The following LPP variants were observed in gnomAD, a reference collection of about 807,000 sequenced individuals.
The protein encoded by LPP is LIM domain containing preferred translocation partner in lipoma, also known as lipoma-preferred partner.
In LPP, 38 loss-of-function variants were observed where a neutral mutation model predicts 60.4. The observed-to-expected ratio is 0.63, with a 90% CI of 0.49 to 0.83. The LOEUF (loss-of-function observed/expected upper bound fraction) is 0.83, where lower values mean the gene tolerates loss of function less well. Ranked by LOEUF, LPP falls within the 40% of genes least tolerant of loss-of-function variation. LPP has a pLI of 0.00. For synonymous variants in LPP, 328 were observed against 290.8 expected (o/e 1.13, Z -1.30); for missense variants, 902 against 783.6 (o/e 1.15, Z -1.80).
intron 8 of LPP, among the ~76,000 whole-genome samples, chr3:188,732,994 C>T (rs192667402): frequency 6.6e-6 from 1 of 152,026 alleles, no homozygotes; most frequent in Non-Finnish European, 1.5e-5. Flanking sequence ...GCCAGTACCA[C>T]TTTGGCAATG....
In LPP at chr3:188,352,303, C is replaced by T. The variant is rs908044565; in HGVS notation, c.-10+10584C>T. Among the ~76,000 whole-genome samples, 10 of 152,198 alleles carry T rather than the reference C, an allele frequency of 6.6e-5. No individual in the cohort carries two copies. The highest frequency in any genetic ancestry group is 2.1e-4 in the South Asian group (1 of 4,830). On this transcript the variant is annotated intron_variant, in intron 3 of 11. Coordinates refer to ENST00000617246, the MANE Select transcript of LPP (RefSeq NM_001375462.1). This position sits in a 1 kb window ranked among gnomAD's most constrained non-coding sequence, Gnocchi z 4.4. ...TTGCTGTTCTGAAATGTGGCAGCTG[C>T]GCACACGTATTGGCTGCTTTTTCTC... is the stretch of plus-strand genomic sequence containing the variant.
intron 6 of LPP, among the ~76,000 whole-genome samples, chr3:188,553,281 G>T (rs1260522427): frequency 3.3e-5 from 5 of 152,044 alleles, no homozygotes; most frequent in African/African-American, 1.2e-4. Flanking sequence ...CCTCCTACTT[G>T]TTTTTCCTCT....
At chr3:188,632,392 C>T (rs574554871) in intron 7 of LPP, among the ~76,000 whole-genome samples, 1 of 152,238 alleles carries the variant, frequency 6.6e-6, no homozygotes, top group East Asian at 1.9e-4. Flanking sequence ...AGGATAGGGC[C>T]TGGGTGGGGA....
chr3:188,866,329 T>C lies in LPP; in HGVS notation c.1540T>C (p.Phe514Leu). 6.3e-7 allele frequency: 1 copy of C among 1,581,376 alleles called. No individual in the cohort carries two copies. The highest frequency in any genetic ancestry group is 8.6e-7 in the Non-Finnish European group (1 of 1,162,478). ...MCHRSLDGIP[F>L]TVDAGGLIHC... The stretch of plus-strand genomic sequence containing the variant: ...CCACCGCAGCCTGGATGGGATCCCA[T>C]TCACTGTGGATGCTGGCGGGCTCAT... Residue 514 changes from phenylalanine to leucine, a missense_variant, in exon 10 of 12, where the codon TTC (phenylalanine) becomes CTC (leucine). Coordinates refer to ENST00000617246, the MANE Select transcript of LPP (RefSeq NM_001375462.1).
intron 4 of LPP, among the ~76,000 whole-genome samples, chr3:188,481,048 A>G (rs1804634800): frequency 6.6e-6 from 1 of 152,112 alleles, no homozygotes; most frequent in African/African-American, 2.4e-5. Context: ...AGCTGAACTT[A>G]TTTTCACTGC....
At chr3:188,490,242 A>C (rs2059580) in intron 5 of LPP, among the ~76,000 whole-genome samples, 82,834 of 151,926 alleles carry the variant, frequency 0.55, 25,824 homozygotes, top group Non-Finnish European at 0.69. Flanking sequence ...GTGAGTAAGC[A>C]CAGAGTAACA....
chr3:188,860,560 G>A (rs1199391763), intron 9 of LPP, among the ~76,000 whole-genome samples: 10 of 151,922 alleles, frequency 6.6e-5, no homozygotes, highest in South Asian at 2.1e-4. Context: ...TGGTGCATCC[G>A]GAACCCACTT....
intron 7 of LPP, among the ~76,000 whole-genome samples, chr3:188,658,222 C>T (rs1853784039): frequency 6.7e-6 from 1 of 149,282 alleles, no homozygotes; most frequent in Admixed American, 6.8e-5. Flanking sequence ...CAGCTCACTG[C>T]AACCTCTGCC....
At chr3:188,843,124 A>G (rs2151758084) in intron 9 of LPP, among the ~76,000 whole-genome samples, 1 of 152,164 alleles carries the variant, frequency 6.6e-6, no homozygotes, top group African/African-American at 2.4e-5. Flanking sequence ...CTTTTTTATC[A>G]TAATCTTATA....
chr3:188,524,448 C>G (rs1398218175), intron 5 of LPP, among the ~76,000 whole-genome samples: 1 of 151,920 alleles, frequency 6.6e-6, no homozygotes, highest in Non-Finnish European at 1.5e-5. Context: ...AGTGTGTGAC[C>G]TGAGAAAAAT....
chr3:188,422,740 C>T (rs780555820), intron 4 of LPP, among the ~76,000 whole-genome samples: 1 of 152,146 alleles, frequency 6.6e-6, no homozygotes, highest in Non-Finnish European at 1.5e-5. Flanking sequence ...TTTTCTCTGT[C>T]TTCATTCAGT....
rs761392267 is a variant in LPP at position 188,279,104 on chromosome 3, G to T, written c.-67+53577G>T. Among the ~76,000 whole-genome samples, 19 of 152,068 alleles carry T rather than the reference G, an allele frequency of 1.2e-4. 1 individual carries two copies. The highest frequency in any genetic ancestry group is 5.9e-5 in the Non-Finnish European group (4 of 68,018). ...TGACCTCCTGGGATGAGGCCATTTG[G>T]GGTCACTGCCTCCCATGGATTAGTA... On this transcript the variant is annotated intron_variant, in intron 2 of 11. Transcript: ENST00000617246.
At position 188,709,224 on chromosome 3, in the gene LPP, C is replaced by A. The variant is rs553948071; in HGVS notation, c.1240+831C>A. On this transcript the variant is annotated intron_variant, in intron 8 of 11. Transcript: ENST00000617246. ...TTGTGAGGTTCTGTGGACGCATAACCTGTCCTCAGTGAGGTTAAAATTGTT... is the reference window on the plus strand; with the variant it reads ...TTGTGAGGTTCTGTGGACGCATAACATGTCCTCAGTGAGGTTAAAATTGTT... 4.6e-5 allele frequency: 7 copies of A among 152,268 alleles called. No individual in the cohort carries two copies. The South Asian group carries it at 1.4e-3, about 32-fold the overall frequency. The allele number at this position is 152,268 out of a possible 1,614,324, so 9.4% of individuals were successfully genotyped here. A position where few individuals can be genotyped will look rare whatever the true frequency, so the allele number is the denominator to read the frequency against.
At chr3:188,494,550 C>G (rs1302731512) in intron 5 of LPP, among the ~76,000 whole-genome samples, 2 of 152,106 alleles carry the variant, frequency 1.3e-5, no homozygotes, top group Non-Finnish European at 2.9e-5. Context: ...TGCCCCACCC[C>G]TCACCCTTTT....
At chr3:188,850,073 C>A (rs955198723) in intron 9 of LPP, among the ~76,000 whole-genome samples, 2 of 152,130 alleles carry the variant, frequency 1.3e-5, no homozygotes, top group Non-Finnish European at 2.9e-5. Flanking sequence ...ATTAAACAGG[C>A]CTAGAGGTTG....
At chr3:188,295,226 T>C (rs1428588539) in intron 2 of LPP, among the ~76,000 whole-genome samples, 1 of 152,210 alleles carries the variant, frequency 6.6e-6, no homozygotes, top group Non-Finnish European at 1.5e-5. Flanking sequence ...GGTGTATTAA[T>C]ATCAGCTGAG....
chr3:188,471,502 C>T (rs1394213014), intron 4 of LPP, among the ~76,000 whole-genome samples: 1 of 152,116 alleles, frequency 6.6e-6, no homozygotes, highest in Non-Finnish European at 1.5e-5. Flanking sequence ...TGTTTGTATT[C>T]AGAGTGGGTG....
chr3:188,175,812 G>A (rs1308888610), intron 1 of LPP, among the ~76,000 whole-genome samples: 1 of 151,908 alleles, frequency 6.6e-6, no homozygotes, highest in East Asian at 1.9e-4. Flanking sequence ...ATGCCACTGT[G>A]CTCATAGTTG....
intron 1 of LPP, among the ~76,000 whole-genome samples, chr3:188,159,060 A>G (rs974172601): frequency 6.6e-6 from 1 of 152,196 alleles, no homozygotes; most frequent in Non-Finnish European, 1.5e-5. Flanking sequence ...CTCTTTCAAC[A>G]GAGCTCGCTT....
Sources: gnomAD v4.1 joint callset for allele counts (sites outside exome capture counted in the v4.1 genomes callset) on GRCh38, gnomAD v4.1.1 for gene constraint, Gnocchi (gnomAD v3.1) non-coding constraint, MANE v1.5 for transcripts, NCBI Gene and HGNC (gene_info 2026-07-23, HGNC 2026-07-21) for gene names.